Variants in EMB observed in about 807,000 individuals in gnomAD.
EMB encodes the protein embigin homolog.
A neutral mutation model predicts 41.4 loss-of-function variants in EMB; 31 were observed. The ratio of observed to expected loss-of-function variants is 0.75; its 90% CI spans 0.56 to 1.01. The LOEUF (loss-of-function observed/expected upper bound fraction) is 1.01. Among genes scored for constraint, EMB ranks in the 50% least tolerant of loss-of-function variants. The probability of loss-of-function intolerance (pLI) is 0.00; values close to 1 mark genes in which losing one functional copy is unlikely to be tolerated. For missense variants in EMB, 379 were observed against 388.3 expected (o/e 0.98, Z 0.20); for synonymous variants, 137 against 140.4 (o/e 0.98, Z 0.17).
intron 2 of EMB, among the ~76,000 whole-genome samples, chr5:50,425,716 G>A (rs573758900): frequency 1.5e-5 from 1 of 67,954 alleles, no homozygotes; most frequent in South Asian, 4.4e-4. Context: ...ATTTCTGGGG[G>A]GGCAGGGGAG....
intron 4 of EMB, among the ~76,000 whole-genome samples, chr5:50,406,621 T>C (rs1462006669): frequency 6.6e-6 from 1 of 151,996 alleles, no homozygotes; most frequent in Non-Finnish European, 1.5e-5. Flanking sequence ...CAGTTCCTTC[T>C]GATTGACCTT....
At position 50,428,139 on chromosome 5, in the gene EMB, T is replaced by A. The variant is rs373105714; in HGVS notation, c.196+5A>T. The A allele has an allele frequency of 1.3e-6, 2 of 1,581,576 alleles. No homozygotes were observed. Among genetic ancestry groups the A allele is most frequent in the East Asian group, 4.5e-5 (2 of 44,670 alleles). On this transcript the variant is annotated splice_donor_5th_base_variant and intron_variant, in intron 2 of 8. Transcript: ENST00000303221. The stretch of plus-strand genomic sequence containing the variant: ...ATTGCATTATTTGAAACATGATACA[T>A]TTACCAGTCAGTGATATGTTATGAC...
chr5:50,417,192 C>A (rs1240040615), intron 2 of EMB, among the ~76,000 whole-genome samples: 1 of 152,114 alleles, frequency 6.6e-6, no homozygotes, highest in Admixed American at 6.6e-5. Flanking sequence ...CATGATGCAA[C>A]CCAAAATGTC....
intron 2 of EMB, among the ~76,000 whole-genome samples, chr5:50,414,074 T>C (rs1745388591): frequency 6.6e-6 from 1 of 151,992 alleles, no homozygotes; most frequent in South Asian, 2.1e-4. Context: ...ATCAGAATAG[T>C]GGTAATTACT....
chr5:50,433,407 A>T (rs970728878), intron 1 of EMB, among the ~76,000 whole-genome samples: 5 of 152,234 alleles, frequency 3.3e-5, no homozygotes, highest in Non-Finnish European at 5.9e-5. Flanking sequence ...TCTGTTTCAA[A>T]TCACCTCTAC....
intron 5 of EMB, among the ~76,000 whole-genome samples, chr5:50,404,560 C>A (rs753491350): frequency 2.0e-5 from 3 of 151,860 alleles, no homozygotes; most frequent in African/African-American, 7.3e-5. Flanking sequence ...AGCACTGGTA[C>A]GTCTAAAACG....
At chr5:50,433,979 G>A (rs1273695348) in intron 1 of EMB, among the ~76,000 whole-genome samples, 3 of 152,040 alleles carry the variant, frequency 2.0e-5, no homozygotes, top group Non-Finnish European at 4.4e-5. Context: ...CTCTGTATAT[G>A]TCTCTGTCTC....
At chr5:50,411,445 C>T in intron 2 of EMB, 62 bp from the exon 3 acceptor site, 1 of 1,144,616 alleles carries the variant, frequency 8.7e-7, no homozygotes, top group South Asian at 2.0e-5. Flanking sequence ...ACACATAAAA[C>T]CTTTTATATT....
intron 1 of EMB, among the ~76,000 whole-genome samples, chr5:50,432,750 TAAAA>T (rs35639181): frequency 1.0e-5 from 1 of 98,958 alleles, no homozygotes; most frequent in Non-Finnish European, 1.9e-5. Context: ...GAAAAACAAG[TAAAA>T]AAAAAAAAAA....
At position 50,414,104 on chromosome 5, in the gene EMB, GT is replaced by G. The variant is rs1340725802; in HGVS notation, c.197-2722del. On this transcript the variant is annotated intron_variant, in intron 2 of 8. Transcript: ENST00000303221. ...ATTACTCTTAAGGGGAAGAGAAGGA[GT>G]TGTGTTTGGAAGACGGTAGTATATC... Among the ~76,000 whole-genome samples the G allele has an allele frequency of 2.6e-5, 4 of 152,296 alleles. No homozygotes were observed. The East Asian group carries it at 5.8e-4, about 22-fold the overall frequency.
At chr5:50,432,593 A>C (rs1433509927) in intron 1 of EMB, among the ~76,000 whole-genome samples, 1 of 152,098 alleles carries the variant, frequency 6.6e-6, no homozygotes, top group Non-Finnish European at 1.5e-5. Context: ...TAAAATACTG[A>C]TTATACACAA....
intron 1 of EMB, among the ~76,000 whole-genome samples, chr5:50,433,902 G>C (rs933064828): frequency 2.6e-5 from 4 of 152,094 alleles, no homozygotes; most frequent in Admixed American, 1.3e-4. Context: ...GGCAACCTTG[G>C]CATTCCTTGG....
chr5:50,429,281 A>AG (rs1561139633), intron 1 of EMB, among the ~76,000 whole-genome samples: 2 of 152,230 alleles, frequency 1.3e-5, no homozygotes, highest in Non-Finnish European at 2.9e-5. Context: ...AAGTCAGAGA[A>AG]GGGGGAAAAA....
At chr5:50,438,873 T>C (rs1012192108) in intron 1 of EMB, among the ~76,000 whole-genome samples, 6 of 151,854 alleles carry the variant, frequency 4.0e-5, no homozygotes, top group Non-Finnish European at 8.8e-5. Flanking sequence ...ATTTACACCT[T>C]CATTTATTCC....
intron 1 of EMB, among the ~76,000 whole-genome samples, chr5:50,436,917 A>C (rs1442646512): frequency 2.6e-5 from 4 of 152,220 alleles, no homozygotes; most frequent in Admixed American, 6.5e-5. Flanking sequence ...TCAACATATA[A>C]TTTTTTTGTG....
At chr5:50,435,606 G>A (rs73752712) in intron 1 of EMB, among the ~76,000 whole-genome samples, 3,066 of 152,234 alleles carry the variant, frequency 0.02, 95 homozygotes, top group African/African-American at 0.07. Context: ...TCACCAGATC[G>A]TCTCAGATGG....
rs1745905367 is a variant in EMB, at chr5:50,441,174, T to A, written c.-23A>T. On this transcript the variant is annotated 5_prime_UTR_variant, in exon 1 of 9. Transcript: ENST00000303221. ...CATGGCGCCAGAGGGTCCGCCTGGG[T>A]CCTCGTGGAGACTGCTCCCTCAGCT... 7.1e-7 allele frequency: 1 copy of A among 1,412,412 alleles called. No individual in the cohort carries two copies. Among genetic ancestry groups the A allele is most frequent in the Non-Finnish European group, 9.3e-7 (1 of 1,071,174 alleles). 87.5% of individuals were successfully genotyped at this position (1,412,412 alleles called of 1,614,324 possible). A position where few individuals can be genotyped will look rare whatever the true frequency, so the allele number is the denominator to read the frequency against.
Position 50,406,601 on chromosome 5 carries a change from A to C in EMB, c.473-749T>G, listed in dbSNP as rs565403412. Among the ~76,000 whole-genome samples, 3 of 151,976 alleles carry C rather than the reference A, an allele frequency of 2.0e-5. No individual in the cohort carries two copies. The East Asian group carries it at 5.8e-4, about 29-fold the overall frequency. ...ATAAACAGTACAATAAAAAGCCTAC[A>C]TGGTGCAATCAGTTCCTTCTGATTG... On this transcript the variant is annotated intron_variant, in intron 4 of 8. Coordinates refer to ENST00000303221, the MANE Select transcript of EMB (RefSeq NM_198449.3).
intron 1 of EMB, among the ~76,000 whole-genome samples, chr5:50,431,454 T>C (rs1322956878): frequency 1.3e-5 from 2 of 152,106 alleles, no homozygotes; most frequent in African/African-American, 4.8e-5. Context: ...AATACTTCCC[T>C]AAAAGGATTA....
Sources: gnomAD v4.1 joint callset for allele counts (sites outside exome capture counted in the v4.1 genomes callset) on GRCh38, gnomAD v4.1.1 for gene constraint, MANE v1.5 for transcripts, NCBI Gene and HGNC (gene_info 2026-07-23, HGNC 2026-07-21) for gene names.